The following COPG1 variants were observed in gnomAD, a reference collection of about 807,000 sequenced individuals.
The protein encoded by COPG1 is coatomer subunit gamma-1.
A neutral mutation model predicts 102.8 loss-of-function variants in COPG1; 29 were observed. The observed-to-expected ratio is 0.28, with a 90% confidence interval of 0.21 to 0.38. COPG1 has a LOEUF of 0.38. Ranked by LOEUF, COPG1 falls within the 10% of genes least tolerant of loss-of-function variation. The probability of loss-of-function intolerance (pLI) is 1.00; values close to 1 mark genes in which losing one functional copy is unlikely to be tolerated. For synonymous variants in COPG1, 406 were observed against 421.6 expected (o/e 0.96, Z 0.45); for missense variants, 875 against 1,132.7 (o/e 0.77, Z 3.27).
At chr3:129,252,452 G>C in intron 3 of COPG1, 91 bp downstream of exon 3, 1 of 1,090,738 alleles carries the variant, frequency 9.2e-7, no homozygotes, top group Non-Finnish European at 1.4e-6. Flanking sequence ...CTATTGGACA[G>C]CCTCTGTGTG....
rs748417074 is a variant in COPG1, at chr3:129,260,858, C to T, written c.1128+51C>T. 5.7e-6 allele frequency: 9 copies of T among 1,574,978 alleles called. No individual in the cohort carries two copies. In the East Asian group the frequency reaches 1.8e-4, roughly 31 times the overall value. On this transcript the variant is annotated intron_variant, in intron 12 of 23. Coordinates refer to ENST00000314797, the MANE Select transcript of COPG1 (RefSeq NM_016128.4). ...CGGCCCCCAGAGGAAGGAGCTCTGT[C>T]CCTGCTCTCTGTGGCCACAGCCTTC...
intron 21 of COPG1, 131 bp downstream of exon 21, chr3:129,273,035 T>G: frequency 2.3e-6 from 1 of 440,242 alleles, no homozygotes; most frequent in Non-Finnish European, 4.1e-6. Flanking sequence ...TTATTTTTAT[T>G]TTTTGAGATG....
intron 10 of COPG1, among the ~76,000 whole-genome samples, chr3:129,259,129 T>C (rs565722158): frequency 2.0e-5 from 3 of 152,228 alleles, no homozygotes; most frequent in South Asian, 4.1e-4. Context: ...ATGGAGTTCA[T>C]GTTTGGAGAG....
At chr3:129,252,977 G>T in intron 5 of COPG1, 22 bp downstream of exon 5, 1 of 1,607,996 alleles carries the variant, frequency 6.2e-7, no homozygotes, top group Non-Finnish European at 8.5e-7. Context: ...GGTTGTGGGT[G>T]GCTCTTCTGA....
intron 7 of COPG1, among the ~76,000 whole-genome samples, 159 bp downstream of exon 7, chr3:129,255,236 C>T (rs1428150006): frequency 2.0e-5 from 3 of 150,806 alleles, no homozygotes; most frequent in Admixed American, 6.6e-5. Context: ...TAGAGTGCAG[C>T]GCCACGATCT....
chr3:129,277,305 G>T lies in COPG1; in HGVS notation c.2506G>T (p.Gly836Cys). Reference protein sequence around the residue: ...HTLLLAGVFRGGHDILVRSRL... With the variant: ...HTLLLAGVFRCGHDILVRSRL... ...CTCTTCCCTTCTAGGTGTGTTCCGGGGTGGTCATGACATCCTGGTGCGCTC... is the reference window on the plus strand; with the variant it reads ...CTCTTCCCTTCTAGGTGTGTTCCGGTGTGGTCATGACATCCTGGTGCGCTC... Residue 836 changes from glycine to cysteine, a missense_variant, in exon 24 of 24, where the codon GGT becomes TGT. By Grantham distance (159) the Gly-to-Cys change is radical. Coordinates refer to ENST00000314797, the MANE Select transcript of COPG1 (RefSeq NM_016128.4). 6.2e-7 allele frequency: 1 copy of T among 1,613,914 alleles called. No individual in the cohort carries two copies. The highest frequency in any genetic ancestry group is 8.5e-7 in the Non-Finnish European group (1 of 1,179,968).
At chr3:129,272,453 A>G in intron 20 of COPG1, 38 bp downstream of exon 20, 1 of 1,569,724 alleles carries the variant, frequency 6.4e-7, no homozygotes, top group Non-Finnish European at 8.7e-7. Context: ...TCCTCCTGGG[A>G]GCTCATGGGG....
At chr3:129,267,791 C>G (rs928500647) in intron 15 of COPG1, 146 bp from the exon 16 acceptor site, 3 of 626,936 alleles carry the variant, frequency 4.8e-6, no homozygotes, top group Non-Finnish European at 5.8e-6. Context: ...TGAGTGTGGC[C>G]TCTCCTCACT....
At chr3:129,255,181 T>A in intron 7 of COPG1, 104 bp downstream of exon 7, 1 of 509,374 alleles carries the variant, frequency 2.0e-6, no homozygotes, top group Non-Finnish European at 3.3e-6. Context: ...CTTTCTTTCT[T>A]TTTTTTTTTT....
intron 5 of COPG1, 146 bp from the exon 6 acceptor site, chr3:129,254,522 G>A: frequency 5.1e-6 from 3 of 584,718 alleles, no homozygotes; most frequent in Non-Finnish European, 9.1e-6. Context: ...GCAGCTGTGT[G>A]GAGTTAGGCT....
intron 15 of COPG1, among the ~76,000 whole-genome samples, chr3:129,267,733 A>G (rs1389019671): frequency 6.6e-6 from 1 of 152,212 alleles, no homozygotes; most frequent in East Asian, 1.9e-4. Context: ...CCATCACCAC[A>G]ACCTGAGTTT....
At chr3:129,253,062 C>T (rs1441931830) in intron 5 of COPG1, 107 bp downstream of exon 5, 3 of 912,982 alleles carry the variant, frequency 3.3e-6, no homozygotes, top group African/African-American at 3.3e-5. Flanking sequence ...GCCAGCTGCC[C>T]ACCCCGTGGC....
chr3:129,269,996 C>T (rs1355765814), intron 18 of COPG1, among the ~76,000 whole-genome samples: 1 of 147,204 alleles, frequency 6.8e-6, no homozygotes, highest in African/African-American at 2.5e-5. Context: ...CTTTAAGGGC[C>T]CTTCTAGGGC....
chr3:129,263,021 A>G lies in COPG1; in HGVS notation c.1129-883A>G, dbSNP rs1163165026. Among the ~76,000 whole-genome samples the G allele has an allele frequency of 3.5e-5, 5 of 144,184 alleles. No homozygotes were observed. In the East Asian group the frequency reaches 8.0e-4, roughly 23 times the overall value. The allele number at this position is 144,184 out of a possible 152,430, so 94.6% of individuals were successfully genotyped here. On this transcript the variant is annotated intron_variant, in intron 12 of 23. Coordinates refer to ENST00000314797, the MANE Select transcript of COPG1 (RefSeq NM_016128.4). ...CAGAGCGAGACTCCGTCTCAAAAAA[A>G]AAAAAAAAAAAAAAGAGTCCTTCTG...
In COPG1 at chr3:129,277,295, T is replaced by C. The variant is rs779875955; in HGVS notation, c.2496T>C (p.Gly832=). Residue 832 remains glycine (G), a splice_region_variant and synonymous_variant, in exon 24 of 24, where the codon GGT becomes GGC. Coordinates refer to ENST00000314797, the MANE Select transcript of COPG1 (RefSeq NM_016128.4). ...NKNTHTLLLA[G]VFRGGHDILV... is the part of the protein sequence containing the mutation. ...CTGTACTTCTCTCTTCCCTTCTAGG[T>C]GTGTTCCGGGGTGGTCATGACATCC... 6 of 1,613,734 alleles carry C rather than the reference T, an allele frequency of 3.7e-6. No homozygotes were observed. In the East Asian group the frequency reaches 1.3e-4, roughly 36 times the overall value.
chr3:129,251,175 G>A (rs901903487), intron 2 of COPG1, among the ~76,000 whole-genome samples: 2 of 150,848 alleles, frequency 1.3e-5, no homozygotes, highest in Non-Finnish European at 3.0e-5. Flanking sequence ...CACCCGCCTC[G>A]GCCTCCCAAA....
chr3:129,252,779 C>A, intron 4 of COPG1, 85 bp downstream of exon 4: 2 of 1,533,424 alleles, frequency 1.3e-6, no homozygotes, highest in South Asian at 1.1e-5. Context: ...CCCCACCAGT[C>A]AGTGTGGGCT....
Position 129,275,087 on chromosome 3 carries a change from C to T in COPG1, c.2396-107C>T, listed in dbSNP as rs1940240793. On this transcript the variant is annotated intron_variant, in intron 22 of 23. Coordinates refer to ENST00000314797, the MANE Select transcript of COPG1 (RefSeq NM_016128.4). This position sits in a 1 kb window ranked among gnomAD's most constrained non-coding sequence, Gnocchi z 5.0. ...AGGATCCAGGGCCATGTCTGGAGCA[C>T]ATATGTCAAATGCCACTTCATTAAA... is the stretch of plus-strand genomic sequence containing the variant. 2 of 1,496,830 alleles carry T rather than the reference C, an allele frequency of 1.3e-6. No homozygotes were observed. The highest frequency in any genetic ancestry group is 2.8e-5 in the African/African-American group (2 of 72,668). The allele number at this position is 1,496,830 out of a possible 1,614,324, so 92.7% of individuals were successfully genotyped here.
intron 13 of COPG1, 40 bp downstream of exon 13, chr3:129,264,039 G>A: frequency 2.0e-6 from 3 of 1,520,782 alleles, no homozygotes; most frequent in Middle Eastern, 1.9e-4. Context: ...AGGTCTCCTG[G>A]TGCAGGGAGT....
Sources: allele counts gnomAD v4.1 joint callset (sites outside exome capture counted in the v4.1 genomes callset), GRCh38; gene constraint gnomAD v4.1.1; non-coding constraint Gnocchi (gnomAD v3.1); transcripts MANE v1.5; gene names NCBI Gene and HGNC (gene_info 2026-07-23, HGNC 2026-07-21).